Variants in KIAA1549 observed in about 807,000 individuals in gnomAD.
The protein encoded by KIAA1549 is UPF0606 protein KIAA1549.
In KIAA1549, 70 loss-of-function variants were observed where a neutral mutation model predicts 156.4. The observed-to-expected ratio is 0.45, with a 90% CI of 0.37 to 0.55. KIAA1549 has a LOEUF of 0.55. Ranked by LOEUF, KIAA1549 falls within the 20% of genes least tolerant of loss-of-function variation. The pLI, the probability that KIAA1549 is intolerant of heterozygous loss-of-function variation, is 0.00. For synonymous variants in KIAA1549, 1,103 were observed against 1,066.4 expected, an observed-to-expected ratio of 1.03 and a Z score of -0.67; for missense variants, 2,428 against 2,540.9, an observed-to-expected ratio of 0.96 and a Z score of 0.96.
intron 12 of KIAA1549, among the ~76,000 whole-genome samples, chr7:138,874,446 T>C (rs936033409): frequency 6.6e-5 from 10 of 152,238 alleles, no homozygotes; most frequent in Non-Finnish European, 1.2e-4. Context: ...TAGCTTGATT[T>C]AGCCATTTCA....
At chr7:138,965,678 A>G (rs919260420) in intron 1 of KIAA1549, among the ~76,000 whole-genome samples, 1 of 152,212 alleles carries the variant, frequency 6.6e-6, no homozygotes, top group African/African-American at 2.4e-5. Context: ...AACATGTAGA[A>G]TATGATACCA....
At chr7:138,973,680 T>G (rs529528542) in intron 1 of KIAA1549, among the ~76,000 whole-genome samples, 56 of 152,348 alleles carry the variant, frequency 3.7e-4, no homozygotes, top group African/African-American at 1.3e-3. Context: ...GTTCTTGCTC[T>G]ATCACCCAGG....
Position 138,844,360 on chromosome 7 carries a change from C to A in KIAA1549, c.5409G>T (p.Glu1803Asp). 6.2e-7 allele frequency: 1 copy of A among 1,613,842 alleles called. No homozygotes were observed. Among genetic ancestry groups the A allele is most frequent in the Non-Finnish European group, 8.5e-7 (1 of 1,179,806 alleles). ...PFAARGIYSEEMPSVARPRPV... is the reference protein window; with the variant it reads ...PFAARGIYSEDMPSVARPRPV... ...GCCGAGGCCGGGCCACCGACGGCAT[C>A]TCCTCCGAGTAGATCCCTCTGGCAG... The change falls in exon 18 of 20, where the codon GAG (glutamate) becomes GAT (aspartate). Residue 1803 changes from glutamate (E) to aspartate (D), a missense_variant. Coordinates refer to ENST00000422774, the MANE Select transcript of KIAA1549 (RefSeq NM_001164665.2).
At chr7:138,907,191 G>C (rs528736116) in intron 5 of KIAA1549, 89 bp from the exon 6 acceptor site, 1 of 1,141,032 alleles carries the variant, frequency 8.8e-7, no homozygotes, top group Non-Finnish European at 1.2e-6. Context: ...TCCTCTCACC[G>C]ATTTTTTTAA....
At position 138,871,156 on chromosome 7, in the gene KIAA1549, C is replaced by T; in HGVS notation, c.4551+1G>A. The T allele has an allele frequency of 6.2e-7, 1 of 1,610,594 alleles. No individual in the cohort carries two copies. Among genetic ancestry groups the T allele is most frequent in the Middle Eastern group, 1.7e-4 (1 of 6,050 alleles). On this transcript the variant is annotated splice_donor_variant, in intron 13 of 19. Transcript: ENST00000422774. LOFTEE classifies it high-confidence loss of function. The stretch of plus-strand genomic sequence containing the variant: ...ACAGACTTTTAAATAAAAGCAAATA[C>T]CTCTTTGTTGATTTTATTGCTTTCC...
chr7:138,849,350 T>G (rs940175343), intron 17 of KIAA1549, among the ~76,000 whole-genome samples: 1 of 152,126 alleles, frequency 6.6e-6, no homozygotes, highest in Non-Finnish European at 1.5e-5. Context: ...TCACTGATTT[T>G]TCAGCCACTT....
chr7:138,889,248 C>G (rs1428694998), intron 10 of KIAA1549, among the ~76,000 whole-genome samples: 2 of 152,164 alleles, frequency 1.3e-5, no homozygotes, highest in East Asian at 3.8e-4. Flanking sequence ...CGTAAAAATA[C>G]AAACAGTATT....
At chr7:138,894,318 C>G in intron 10 of KIAA1549, 24 bp downstream of exon 10, 1 of 1,612,694 alleles carries the variant, frequency 6.2e-7, no homozygotes. Context: ...TATAGGAACA[C>G]TGGGGGAAGA....
intron 10 of KIAA1549, among the ~76,000 whole-genome samples, chr7:138,885,554 C>A (rs1024551095): frequency 6.6e-6 from 1 of 152,196 alleles, no homozygotes; most frequent in Non-Finnish European, 1.5e-5. Context: ...TTACCACCCA[C>A]AACGATGGCC....
chr7:138,847,009 G>A (rs772134575), intron 17 of KIAA1549, among the ~76,000 whole-genome samples: 4 of 152,138 alleles, frequency 2.6e-5, no homozygotes, highest in Non-Finnish European at 5.9e-5. Flanking sequence ...AGAGCCTTCC[G>A]TGAGGCATGC....
rs1418234894 is a variant in KIAA1549, at chr7:138,917,387, C to A, written c.2239G>T (p.Ala747Ser). The A allele has an allele frequency of 6.2e-7, 1 of 1,613,928 alleles. No individual in the cohort carries two copies. The highest frequency in any genetic ancestry group is 1.3e-5 in the African/African-American group (1 of 75,016). ...LTDSEAHFTSAFIETTSYLES... is the reference protein window; with the variant it reads ...LTDSEAHFTSSFIETTSYLES... ...AGATAGGAGGTAGTTTCAATGAAAG[C>A]TGAGGTAAAATGAGCTTCTGAATCC... The change falls in exon 2 of 20, where the codon GCT (alanine) becomes TCT (serine). Residue 747 changes from alanine (A) to serine (S), a missense_variant. By Grantham distance (99) the Ala-to-Ser change is moderately conservative (BLOSUM62 1). Transcript: ENST00000422774.
intron 1 of KIAA1549, among the ~76,000 whole-genome samples, chr7:138,958,450 C>T (rs1051926799): frequency 3.3e-5 from 5 of 152,238 alleles, no homozygotes; most frequent in African/African-American, 1.2e-4. Flanking sequence ...TCAACTCCTA[C>T]AGCCTGGATC....
At chr7:138,963,488 T>C (rs113383654) in intron 1 of KIAA1549, among the ~76,000 whole-genome samples, 3,520 of 152,220 alleles carry the variant, frequency 0.023, 67 homozygotes, top group Admixed American at 0.038. Flanking sequence ...ATGAGTAAAG[T>C]CAATATAAAC....
Position 138,919,196 on chromosome 7 carries a change from A to G in KIAA1549, c.430T>C (p.Ser144Pro). The G allele has an allele frequency of 1.2e-6, 2 of 1,613,952 alleles. No homozygotes were observed. The highest frequency in any genetic ancestry group is 8.5e-7 in the Non-Finnish European group (1 of 1,179,892). Residue 144 changes from serine to proline, a missense_variant, in exon 2 of 20, where the codon TCA becomes CCA. Ser to Pro is a moderately conservative substitution (Grantham distance 74). Transcript: ENST00000422774. ...DPSIFVATYV[S>P]VTSKEVAVND... ...ACGGCCACCTCTTTACTCGTCACTG[A>G]CACGTAAGTTGCCACAAAGATGCTG...
intron 1 of KIAA1549, among the ~76,000 whole-genome samples, chr7:138,942,408 G>C (rs1813211086): frequency 6.6e-6 from 1 of 150,614 alleles, no homozygotes; most frequent in African/African-American, 2.5e-5. Flanking sequence ...TAATATCTCG[G>C]ATGCTGAAGC....
At chr7:138,968,400 CTTGTA>C (rs764776062) in intron 1 of KIAA1549, among the ~76,000 whole-genome samples, 61 of 152,248 alleles carry the variant, frequency 4.0e-4, no homozygotes, top group Non-Finnish European at 6.6e-4. Context: ...ATTTACCCAT[CTTGTA>C]TTAATATTAA....
intron 1 of KIAA1549, among the ~76,000 whole-genome samples, chr7:138,965,445 C>G (rs1306685485): frequency 6.6e-6 from 1 of 152,208 alleles, no homozygotes. Context: ...CCCACCTCAG[C>G]CTTCCACAGC....
Position 138,910,873 on chromosome 7 carries a change from A to T in KIAA1549, c.3145+273T>A, listed in dbSNP as rs113918988. Among the ~76,000 whole-genome samples, 357 of 149,208 alleles carry T rather than the reference A, an allele frequency of 2.4e-3. 1 individual carries two copies. The highest frequency in any genetic ancestry group is 0.011 in the Admixed American group (159 of 14,926). On this transcript the variant is annotated intron_variant, in intron 4 of 19. Coordinates refer to ENST00000422774, the MANE Select transcript of KIAA1549 (RefSeq NM_001164665.2). ...ACCATACCTGGCCTAAAAAAAAATT[A>T]AAAAAAAAATTAGCCACGCATGGTG... is the stretch of plus-strand genomic sequence containing the variant.
chr7:138,943,016 C>T (rs1339231440), intron 1 of KIAA1549, among the ~76,000 whole-genome samples: 14 of 152,230 alleles, frequency 9.2e-5, no homozygotes. Flanking sequence ...CTACTAAGGG[C>T]TGCCTGGGCC....
Sources: gnomAD v4.1 joint callset for allele counts (sites outside exome capture counted in the v4.1 genomes callset) on GRCh38, gnomAD v4.1.1 for gene constraint, MANE v1.5 for transcripts, NCBI Gene and HGNC (gene_info 2026-07-23, HGNC 2026-07-21) for gene names.